ZNF536: variants seen among roughly 807,000 people sequenced by gnomAD.
The protein encoded by ZNF536 is zinc finger protein 536.
In ZNF536, 13 loss-of-function variants were observed where a neutral mutation model predicts 84.5. The observed-to-expected ratio is 0.15, with a 90% CI of 0.10 to 0.24. ZNF536 has a LOEUF of 0.24. ZNF536 is among the 10% of genes least tolerant of loss of function. The pLI is 1.00. For missense variants in ZNF536, 1,536 were observed against 1,747.5 expected (o/e 0.88, Z 2.16); for synonymous variants, 811 against 742.5 (o/e 1.09, Z -1.50).
upstream of ZNF536, among the ~76,000 whole-genome samples, chr19:30,226,599 G>A (rs1400829965): frequency 3.3e-5 from 5 of 152,100 alleles, no homozygotes; most frequent in African/African-American, 1.2e-4. This position sits in a 1 kb window ranked among gnomAD's most constrained non-coding sequence, Gnocchi z 4.6. Context: ...CGTGGCGCCT[G>A]CAAGCGCAGG....
intron 1 of ZNF536, among the ~76,000 whole-genome samples, chr19:30,229,761 C>T (rs1157374028): frequency 2.0e-5 from 3 of 152,194 alleles, no homozygotes; most frequent in Non-Finnish European, 4.4e-5. Flanking sequence ...GTAATGATAG[C>T]ACTGACGTCC....
intron 1 of ZNF536, among the ~76,000 whole-genome samples, chr19:30,691,893 T>TGTGGCA (rs1030565765): frequency 2.0e-5 from 3 of 152,330 alleles, no homozygotes; most frequent in Non-Finnish European, 4.4e-5. Context: ...AGGGCCACGC[T>TGTGGCA]GTGGCAGTGG....
At chr19:30,292,084 GA>G (rs1324968002) in intron 2 of ZNF536, among the ~76,000 whole-genome samples, 1 of 152,136 alleles carries the variant, frequency 6.6e-6, no homozygotes, top group African/African-American at 2.4e-5. Flanking sequence ...CACTTTATGG[GA>G]AACCCTTGCC....
At chr19:30,255,068 A>G (rs2024837414) in intron 1 of ZNF536, among the ~76,000 whole-genome samples, 1 of 152,222 alleles carries the variant, frequency 6.6e-6, no homozygotes, top group Non-Finnish European at 1.5e-5. Context: ...GTATTAATTC[A>G]CATTATGAAA....
intron 2 of ZNF536, among the ~76,000 whole-genome samples, chr19:30,496,119 G>A (rs183645128): frequency 5.2e-4 from 79 of 152,314 alleles, no homozygotes; most frequent in Non-Finnish European, 8.7e-4. Flanking sequence ...GTCTCCAGGT[G>A]TAAGGAGGGC....
chr19:30,412,256 G>T (rs867583284), intron 1 of ZNF536, among the ~76,000 whole-genome samples: 1 of 151,530 alleles, frequency 6.6e-6, no homozygotes, highest in Non-Finnish European at 1.5e-5. Context: ...CACATTGTTT[G>T]TATTGACTAA....
At chr19:30,472,871 C>A (rs1417844931) in intron 2 of ZNF536, among the ~76,000 whole-genome samples, 1 of 151,968 alleles carries the variant, frequency 6.6e-6, no homozygotes, top group Non-Finnish European at 1.5e-5. Flanking sequence ...TCTGATTCTG[C>A]CCCCTTTCTC....
At chr19:30,570,448 C>T (rs1163248485) in intron 1 of ZNF536, among the ~76,000 whole-genome samples, 1 of 152,170 alleles carries the variant, frequency 6.6e-6, no homozygotes, top group Non-Finnish European at 1.5e-5. Context: ...TGAGTGATAG[C>T]AAGCCCACGT....
chr19:30,272,515 C>T (rs1019055596), intron 1 of ZNF536, among the ~76,000 whole-genome samples: 5 of 152,036 alleles, frequency 3.3e-5, no homozygotes, highest in African/African-American at 1.2e-4. Context: ...GACTTGTATC[C>T]ATCATTACAG....
intron 1 of ZNF536, among the ~76,000 whole-genome samples, chr19:30,570,112 T>G (rs1737303574): frequency 6.6e-6 from 1 of 152,128 alleles, no homozygotes; most frequent in South Asian, 2.1e-4. Context: ...AGTGCCAAGG[T>G]TGAGATACCT....
chr19:30,282,247 C>T (rs899588764), intron 1 of ZNF536, among the ~76,000 whole-genome samples: 3 of 152,250 alleles, frequency 2.0e-5, no homozygotes, highest in Non-Finnish European at 2.9e-5. Context: ...GCCCTACTGG[C>T]GTGTTGGGCT....
intron 1 of ZNF536, among the ~76,000 whole-genome samples, chr19:30,422,069 A>T (rs981604233): frequency 6.6e-6 from 1 of 152,206 alleles, no homozygotes; most frequent in Non-Finnish European, 1.5e-5. Context: ...AGTTTATTGC[A>T]GTACAACTCT....
intron 1 of ZNF536, among the ~76,000 whole-genome samples, chr19:30,261,609 G>A (rs1161910862): frequency 6.6e-6 from 1 of 150,604 alleles, no homozygotes; most frequent in Non-Finnish European, 1.5e-5. Context: ...TAAGGTGGGA[G>A]GGTCATTTGA....
chr19:30,496,704 T>C (rs2054733881), intron 2 of ZNF536, among the ~76,000 whole-genome samples: 1 of 152,094 alleles, frequency 6.6e-6, no homozygotes, highest in African/African-American at 2.4e-5. Flanking sequence ...GGGCAGCACC[T>C]GGGCCTTCTC....
chr19:30,457,364 C>T (rs2052903391), intron 2 of ZNF536, among the ~76,000 whole-genome samples: 1 of 152,220 alleles, frequency 6.6e-6, no homozygotes, highest in African/African-American at 2.4e-5. Context: ...CTGTTCTTTC[C>T]CTGGCTGGGA....
At chr19:30,504,292 C>T (rs1291778353) in intron 2 of ZNF536, among the ~76,000 whole-genome samples, 8 of 147,338 alleles carry the variant, frequency 5.4e-5, no homozygotes, top group Non-Finnish European at 1.1e-4. Flanking sequence ...CCCTCCCTCC[C>T]TCCTTCCTTC....
intron 1 of ZNF536, among the ~76,000 whole-genome samples, chr19:30,653,427 C>T (rs960220004): frequency 6.6e-6 from 1 of 152,178 alleles, no homozygotes; most frequent in African/African-American, 2.4e-5. Flanking sequence ...TGAAGAGTGG[C>T]CTGATGGCTG....
At chr19:30,295,836 G>A (rs2045979613) in intron 2 of ZNF536, among the ~76,000 whole-genome samples, 2 of 152,216 alleles carry the variant, frequency 1.3e-5, no homozygotes, top group Non-Finnish European at 2.9e-5. Flanking sequence ...GGGCAAAGCA[G>A]GCAGGATCCT....
intron 3 of ZNF536, among the ~76,000 whole-genome samples, chr19:30,545,373 G>T (rs1268851405): frequency 3.2e-5 from 4 of 125,958 alleles, no homozygotes; most frequent in Non-Finnish European, 6.6e-5. Context: ...AGTACTACCC[G>T]CTCCCATATG....
Sources: gnomAD v4.1 joint callset for allele counts (sites outside exome capture counted in the v4.1 genomes callset) on GRCh38, gnomAD v4.1.1 for gene constraint, Gnocchi (gnomAD v3.1) non-coding constraint, MANE v1.5 for transcripts, NCBI Gene and HGNC (gene_info 2026-07-23, HGNC 2026-07-21) for gene names.